ZNF680: variants seen among roughly 807,000 people sequenced by gnomAD.
ZNF680 encodes hypothetical protein FLJ90430.
In ZNF680, 6 loss-of-function variants were observed where a neutral mutation model predicts 12.1. The observed-to-expected ratio is 0.49, with a 90% CI of 0.27 to 0.98. The LOEUF (loss-of-function observed/expected upper bound fraction) is 0.98. Among genes scored for constraint, ZNF680 ranks in the 50% least tolerant of loss-of-function variants. The pLI is 0.12. For missense variants in ZNF680, 561 were observed against 616.3 expected (o/e 0.91, Z 0.95); for synonymous variants, 170 against 199.3 (o/e 0.85, Z 1.24).
chr7:64,558,824 T>C (rs146345861), intron 1 of ZNF680, among the ~76,000 whole-genome samples: 14 of 151,850 alleles, frequency 9.2e-5, no homozygotes, highest in Non-Finnish European at 1.5e-4. Context: ...ATTTTGTTAA[T>C]GTTGAGGACA....
At chr7:64,525,955 G>A in intron 3 of ZNF680, 9 of 984,956 alleles carry the variant, frequency 9.1e-6, no homozygotes, top group South Asian at 4.7e-5. Flanking sequence ...TAGACATATG[G>A]CTGATTCATA....
chr7:64,501,373 T>C, the ZNF680 span: 42 of 1,218,062 alleles, frequency 3.4e-5, no homozygotes, highest in Admixed American at 3.4e-5. Flanking sequence ...ATCTTCCAAG[T>C]CTGGAAAGTT....
chr7:64,537,744 A>G (rs546651699), intron 3 of ZNF680, among the ~76,000 whole-genome samples: 90 of 150,998 alleles, frequency 6.0e-4, no homozygotes, highest in African/African-American at 1.6e-3. Context: ...TGGCTAACAC[A>G]GTGAAACCCT....
the ZNF680 span, among the ~76,000 whole-genome samples, chr7:64,508,938 G>C: frequency 4.6e-5 from 7 of 152,236 alleles, no homozygotes; most frequent in Admixed American, 4.6e-4. Context: ...GGGGGACTTT[G>C]GGATTTCAGT....
chr7:64,526,285 G>A, intron 3 of ZNF680: 10 of 1,153,822 alleles, frequency 8.7e-6, no homozygotes, highest in East Asian at 3.9e-5. Context: ...TCCTAACCAA[G>A]AATACTTGAT....
At chr7:64,550,907 G>A (rs1390268842) in intron 1 of ZNF680, among the ~76,000 whole-genome samples, 2 of 152,064 alleles carry the variant, frequency 1.3e-5, no homozygotes, top group Non-Finnish European at 2.9e-5. Context: ...CAGTTCTTGG[G>A]AAATATAATT....
intron 3 of ZNF680, among the ~76,000 whole-genome samples, chr7:64,542,262 A>G (rs531712884): frequency 2.4e-4 from 36 of 152,302 alleles, no homozygotes; most frequent in Middle Eastern, 3.4e-3. Flanking sequence ...AAACCAGTTT[A>G]TAAAAACTTA....
At chr7:64,500,420 G>A in the ZNF680 span, among the ~76,000 whole-genome samples, 2 of 152,104 alleles carry the variant, frequency 1.3e-5, no homozygotes, top group African/African-American at 4.8e-5. Context: ...TAAAGAAAAT[G>A]TGATATATTT....
chr7:64,561,470 G>A (rs989873514), intron 1 of ZNF680, among the ~76,000 whole-genome samples: 3 of 152,114 alleles, frequency 2.0e-5, no homozygotes, highest in Non-Finnish European at 4.4e-5. Flanking sequence ...TAAGATCTCT[G>A]TGCCTATGGA....
In ZNF680 at chr7:64,521,185, A is replaced by G. The variant is rs10243954; in HGVS notation, c.1569T>C (p.Cys523=). Residue 523 remains cysteine (C), a synonymous_variant, in exon 4 of 4, where the codon TGT becomes TGC. Coordinates refer to ENST00000309683, the MANE Select transcript of ZNF680 (RefSeq NM_178558.5). ...TGEKLYKPEK[C]DNNFDNT is the part of the protein sequence containing the mutation. ...TTTAGGTGTTATCAAAATTATTGTC[A>G]CATTTTTCAGGTTTGTAGAGTTTCT... The G allele has an allele frequency of 0.62, 1,002,689 of 1,606,498 alleles. 316,176 individuals are homozygous for G. The highest frequency in any genetic ancestry group is 0.84 in the African/African-American group (62,587 of 74,522).
chr7:64,501,303 T>G, the ZNF680 span: 1 of 1,130,152 alleles, frequency 8.8e-7, no homozygotes, highest in Admixed American at 1.7e-5. Flanking sequence ...GTCAGCATGT[T>G]TCAGAAAACA....
intron 1 of ZNF680, among the ~76,000 whole-genome samples, chr7:64,559,941 A>G (rs965022507): frequency 6.6e-6 from 1 of 152,158 alleles, no homozygotes; most frequent in African/African-American, 2.4e-5. Flanking sequence ...ACCAAGTTTC[A>G]TCTCATAAAA....
At position 64,521,025 on chromosome 7, in the gene ZNF680, T is replaced by C; in HGVS notation, c.*136A>G. On this transcript the variant is annotated 3_prime_UTR_variant, in exon 4 of 4. Transcript: ENST00000309683. ...TATTGGTTAAGTTTTGTCACATTCT[T>C]TACACTTATAAAGTTTTCTCCAATA... 1 of 977,232 alleles carries C rather than the reference T, an allele frequency of 1.0e-6. No homozygotes were observed. Among genetic ancestry groups the C allele is most frequent in the Non-Finnish European group, 1.5e-6 (1 of 673,610 alleles). The allele number at this position is 977,232 out of a possible 1,614,324, so 60.5% of individuals were successfully genotyped here. A position where few individuals can be genotyped will look rare whatever the true frequency, so the allele number is the denominator to read the frequency against.
intron 1 of ZNF680, among the ~76,000 whole-genome samples, chr7:64,554,227 C>CCTGG (rs558488335): frequency 6.7e-6 from 1 of 149,704 alleles, no homozygotes; most frequent in Non-Finnish European, 1.5e-5. Context: ...AGCGCCTCTG[C>CCTGG]CCGGCCGCGA....
intron 1 of ZNF680, among the ~76,000 whole-genome samples, chr7:64,556,422 G>T (rs1787420055): frequency 6.6e-6 from 1 of 152,048 alleles, no homozygotes; most frequent in African/African-American, 2.4e-5. Flanking sequence ...GCATGATACT[G>T]GTACAAACAC....
intron 1 of ZNF680, among the ~76,000 whole-genome samples, chr7:64,550,132 A>G (rs1234204983): frequency 6.6e-6 from 1 of 152,252 alleles, no homozygotes. Flanking sequence ...TGGATTTGTA[A>G]AGGCAAAAAT....
the ZNF680 span, among the ~76,000 whole-genome samples, chr7:64,507,188 C>T: frequency 6.6e-6 from 1 of 151,932 alleles, no homozygotes; most frequent in Non-Finnish European, 1.5e-5. Context: ...AAGCCAGACA[C>T]AGAAAAACAA....
chr7:64,544,404 A>G lies in ZNF680; in HGVS notation c.59T>C (p.Ile20Thr), dbSNP rs1408959216. The G allele has an allele frequency of 1.9e-6, 3 of 1,602,058 alleles. No homozygotes were observed. The highest frequency in any genetic ancestry group is 1.7e-5 in the Admixed American group (1 of 59,578). The change falls in exon 2 of 4, where the codon ATA becomes ACA. Residue 20 changes from isoleucine (I) to threonine (T), a missense_variant. By Grantham distance (89) the Ile-to-Thr change is moderately conservative (BLOSUM62 -1). Coordinates refer to ENST00000309683, the MANE Select transcript of ZNF680 (RefSeq NM_178558.5). ...MGPLTFRDVA[I>T]EFSLEEWQCL... Reference sequence around the variant, plus strand: ...TTGCCACTCCTCCAGAGAGAATTCTATGGCCACATCCCTAAATGTCAGTGG... The same window carrying G: ...TTGCCACTCCTCCAGAGAGAATTCTGTGGCCACATCCCTAAATGTCAGTGG...
At chr7:64,514,152 T>C in the ZNF680 span, among the ~76,000 whole-genome samples, 1 of 152,200 alleles carries the variant, frequency 6.6e-6, no homozygotes, top group Non-Finnish European at 1.5e-5. Flanking sequence ...AGCTCTTGAG[T>C]TCTGCAAGGG....
Sources: allele counts gnomAD v4.1 joint callset (sites outside exome capture counted in the v4.1 genomes callset), GRCh38; gene constraint gnomAD v4.1.1; transcripts MANE v1.5; gene names NCBI Gene and HGNC (gene_info 2026-07-23, HGNC 2026-07-21).